The following ZRANB3 variants were observed in gnomAD, a reference collection of about 807,000 sequenced individuals.
ZRANB3 encodes the protein zinc finger RANBP2-type containing 3, also known as DNA annealing helicase and endonuclease ZRANB3.
Under a neutral mutation model 133.8 loss-of-function variants are expected in ZRANB3, and 125 were observed. That is an observed-to-expected ratio of 0.93 (90% CI 0.81 to 1.08). The LOEUF is 1.08. ZRANB3 is among the 50% of genes least tolerant of loss of function. ZRANB3 has a pLI of 0.00. For missense variants in ZRANB3, 1,229 were observed against 1,275.5 expected (o/e 0.96, Z 0.56); for synonymous variants, 387 against 432.7 (o/e 0.89, Z 1.31).
At chr2:135,213,159 C>T (rs1339245366) in intron 17 of ZRANB3, among the ~76,000 whole-genome samples, 3 of 152,032 alleles carry the variant, frequency 2.0e-5, no homozygotes, top group Admixed American at 1.3e-4. Flanking sequence ...GAGAGAAATC[C>T]TCTAACGTCC....
At chr2:135,264,740 A>ATT (rs869159841) in intron 12 of ZRANB3, among the ~76,000 whole-genome samples, 14 of 125,694 alleles carry the variant, frequency 1.1e-4, no homozygotes, top group Admixed American at 1.6e-4. Context: ...TTCTTTGCCT[A>ATT]TTTTTTTTTT....
intron 8 of ZRANB3, among the ~76,000 whole-genome samples, chr2:135,291,390 C>A (rs1036587146): frequency 3.2e-4 from 48 of 151,824 alleles, no homozygotes; most frequent in African/African-American, 1.1e-3. Context: ...AACATGTTGG[C>A]CAGGCTGGTC....
intron 12 of ZRANB3, among the ~76,000 whole-genome samples, chr2:135,265,304 C>G (rs1012776215): frequency 1.3e-5 from 2 of 152,028 alleles, no homozygotes; most frequent in African/African-American, 4.8e-5. Flanking sequence ...CCTATATTTT[C>G]TTTTGAACTC....
In ZRANB3 at chr2:135,343,413, A is replaced by G. The variant is rs370586309; in HGVS notation, c.677+2137T>C. Among the ~76,000 whole-genome samples the G allele has an allele frequency of 3.3e-5, 5 of 149,896 alleles. No homozygotes were observed. The East Asian group carries it at 9.6e-4, about 29-fold the overall frequency. On this transcript the variant is annotated intron_variant, in intron 6 of 20. Coordinates refer to ENST00000264159, the MANE Select transcript of ZRANB3 (RefSeq NM_032143.4). The stretch of plus-strand genomic sequence containing the variant: ...TTCTGGATTTCATTAATCTATTAAT[A>G]TTGAGGATTTCTGCATTTGTAGTCT...
intron 2 of ZRANB3, among the ~76,000 whole-genome samples, chr2:135,392,028 G>A (rs1451321688): frequency 6.6e-6 from 1 of 152,136 alleles, no homozygotes; most frequent in Non-Finnish European, 1.5e-5. Flanking sequence ...CAAAGGGAAA[G>A]AATAGCAGGC....
intron 6 of ZRANB3, among the ~76,000 whole-genome samples, chr2:135,343,648 G>C (rs1454174091): frequency 6.7e-6 from 1 of 149,666 alleles, no homozygotes; most frequent in Non-Finnish European, 1.5e-5. Context: ...CATATAAAGA[G>C]ATTATTTTTG....
intron 2 of ZRANB3, among the ~76,000 whole-genome samples, chr2:135,462,913 T>A (rs1252229932): frequency 6.6e-6 from 1 of 152,196 alleles, no homozygotes; most frequent in Non-Finnish European, 1.5e-5. Flanking sequence ...TTTATTCTAT[T>A]ATTGTCTTTT....
At chr2:135,219,001 TA>T in intron 16 of ZRANB3, 75 bp downstream of exon 16, 2 of 1,086,044 alleles carry the variant, frequency 1.8e-6, no homozygotes, top group Non-Finnish European at 2.5e-6. Context: ...AAAATTAAAC[TA>T]AAAATGATCA....
chr2:135,419,940 G>A (rs182771661), intron 2 of ZRANB3, among the ~76,000 whole-genome samples: 8 of 150,784 alleles, frequency 5.3e-5, no homozygotes. Context: ...TCTTTGATAG[G>A]GTTTTTAACA....
chr2:135,413,076 C>T (rs1489311694), intron 2 of ZRANB3, among the ~76,000 whole-genome samples: 1 of 152,104 alleles, frequency 6.6e-6, no homozygotes, highest in African/African-American at 2.4e-5. Context: ...ACTAGTTTTT[C>T]AAAGTTATAA....
chr2:135,380,674 G>A (rs897146716), intron 3 of ZRANB3, among the ~76,000 whole-genome samples: 2 of 152,092 alleles, frequency 1.3e-5, no homozygotes, highest in Non-Finnish European at 2.9e-5. Flanking sequence ...GTGTGTAGAG[G>A]GAAATTTATA....
At chr2:135,220,854 A>ATTTTTTTTTTTTTT (rs199874707) in intron 15 of ZRANB3, among the ~76,000 whole-genome samples, 1 of 144,892 alleles carries the variant, frequency 6.9e-6, no homozygotes, top group African/African-American at 2.7e-5. Flanking sequence ...TGAACTAGGA[A>ATTTTTTTTTTTTTT]TTTATTTTTT....
intron 12 of ZRANB3, among the ~76,000 whole-genome samples, chr2:135,236,130 C>T (rs1476717233): frequency 6.6e-6 from 1 of 152,188 alleles, no homozygotes; most frequent in East Asian, 1.9e-4. Flanking sequence ...CACAAGCATT[C>T]TTATACACCA....
chr2:135,291,053 G>A (rs896035121), intron 8 of ZRANB3, among the ~76,000 whole-genome samples: 28 of 152,066 alleles, frequency 1.8e-4, no homozygotes, highest in African/African-American at 4.8e-4. Flanking sequence ...CTAGAGATGG[G>A]GTTTCACCAT....
chr2:135,388,570 G>C (rs1687083046), intron 3 of ZRANB3, among the ~76,000 whole-genome samples: 1 of 152,028 alleles, frequency 6.6e-6, no homozygotes, highest in Non-Finnish European at 1.5e-5. Context: ...GGTCTGTTTG[G>C]AAAAGAATTT....
intron 2 of ZRANB3, among the ~76,000 whole-genome samples, chr2:135,418,816 C>G (rs1311742486): frequency 6.6e-6 from 1 of 151,722 alleles, no homozygotes; most frequent in Non-Finnish European, 1.5e-5. Flanking sequence ...AGCAGTGGTT[C>G]CTCCTGAGAC....
rs560843519 is a variant in ZRANB3, at chr2:135,197,438, A to C, written c.*2904T>G. The C allele has an allele frequency of 2.0e-5, 3 of 152,364 alleles. No homozygotes were observed. Among genetic ancestry groups the C allele is most frequent in the Non-Finnish European group, 4.4e-5 (3 of 68,044 alleles). The allele number at this position is 152,364 out of a possible 1,614,324, so 9.4% of individuals were successfully genotyped here. On this transcript the variant is annotated 3_prime_UTR_variant, in exon 21 of 21. Coordinates refer to ENST00000264159, the MANE Select transcript of ZRANB3 (RefSeq NM_032143.4). ...TTTATTAGCAAGATGTATGGGCATA[A>C]AATCCTTTTCCCATCCAGTTAAGAA...
intron 12 of ZRANB3, among the ~76,000 whole-genome samples, chr2:135,241,319 G>A (rs895771690): frequency 6.8e-6 from 1 of 147,526 alleles, no homozygotes; most frequent in Non-Finnish European, 1.5e-5. Context: ...ATTTTAGTTT[G>A]GCAGTCATAT....
rs930427029 is a variant in ZRANB3 at position 135,386,232 on chromosome 2, C to A, written c.180+4570G>T. Among the ~76,000 whole-genome samples, 8 of 152,220 alleles carry A rather than the reference C, an allele frequency of 5.3e-5. No homozygotes were observed. The South Asian group carries it at 1.7e-3, about 32-fold the overall frequency. ...AAGACATTTATGCAGCCAAAAGACA[C>A]ATGAAAAAATGCTCATCATCACTGC... On this transcript the variant is annotated intron_variant, in intron 3 of 20. Coordinates refer to ENST00000264159, the MANE Select transcript of ZRANB3 (RefSeq NM_032143.4).
Sources: allele counts gnomAD v4.1 joint callset (sites outside exome capture counted in the v4.1 genomes callset), GRCh38; gene constraint gnomAD v4.1.1; transcripts MANE v1.5; gene names NCBI Gene and HGNC (gene_info 2026-07-23, HGNC 2026-07-21).